Variants in KIFC3 observed in about 807,000 individuals in gnomAD.
The protein encoded by KIFC3 is kinesin-like protein KIFC3.
In KIFC3, 60 loss-of-function variants were observed where a neutral mutation model predicts 101.8. That is an observed-to-expected ratio of 0.59 (90% confidence interval 0.48 to 0.73). KIFC3 has a LOEUF of 0.73. Ranked by LOEUF, KIFC3 falls within the 30% of genes least tolerant of loss-of-function variation. The pLI is 0.00. For missense variants in KIFC3, 966 were observed against 1,137.1 expected (o/e 0.85, Z 2.16); for synonymous variants, 476 against 482.7 (o/e 0.99, Z 0.18).
chr16:57,831,753 G>A (rs371407270), intron 1 of KIFC3, among the ~76,000 whole-genome samples: 3 of 152,190 alleles, frequency 2.0e-5, no homozygotes, highest in Non-Finnish European at 4.4e-5. Flanking sequence ...CAAGCTCTCC[G>A]TGGATACAGC....
chr16:57,776,105 G>A, intron 3 of KIFC3: 1 of 985,472 alleles, frequency 1.0e-6, no homozygotes, highest in South Asian at 4.7e-5. Flanking sequence ...ATCACAGAAA[G>A]AAAACCTGCT....
chr16:57,826,065 C>T (rs557174695), intron 1 of KIFC3, among the ~76,000 whole-genome samples: 1 of 152,370 alleles, frequency 6.6e-6, no homozygotes, highest in South Asian at 2.1e-4. Flanking sequence ...CCCTCTCACC[C>T]TTAACCTCCG....
intron 1 of KIFC3, among the ~76,000 whole-genome samples, chr16:57,840,849 C>T (rs1432591864): frequency 6.6e-6 from 1 of 152,048 alleles, no homozygotes; most frequent in South Asian, 2.1e-4. Flanking sequence ...GGGTTCTACA[C>T]GCAAGACAAT....
chr16:57,797,881 G>GGCGCA (rs2054465717), intron 2 of KIFC3, 191 bp downstream of exon 2: 23 of 1,466,896 alleles, frequency 1.6e-5, no homozygotes, highest in Non-Finnish European at 2.1e-5. Context: ...TCCAGACAGG[G>GGCGCA]GCGCAGGGAA....
intron 11 of KIFC3, 58 bp from the exon 12 acceptor site, chr16:57,764,305 C>A: frequency 9.3e-7 from 1 of 1,079,704 alleles, no homozygotes; most frequent in East Asian, 2.6e-5. Context: ...CTGGGACCAC[C>A]AGCTACAAGT....
intron 1 of KIFC3, among the ~76,000 whole-genome samples, chr16:57,845,685 C>T (rs1567338198): frequency 6.6e-6 from 1 of 152,204 alleles, no homozygotes; most frequent in Non-Finnish European, 1.5e-5. Context: ...CAACTCACTC[C>T]TCATCTTCCA....
At chr16:57,844,321 T>A (rs1279631874) in intron 1 of KIFC3, among the ~76,000 whole-genome samples, 1 of 150,068 alleles carries the variant, frequency 6.7e-6, no homozygotes, top group African/African-American at 2.5e-5. Context: ...TCCCAGCTAC[T>A]CGGGAGGGTG....
Position 57,835,390 on chromosome 16 carries a change from G to A in KIFC3, c.108+27339C>T, listed in dbSNP as rs73560830. Among the ~76,000 whole-genome samples the A allele has an allele frequency of 8.4e-3, 1,284 of 152,302 alleles. 16 individuals are homozygous for A. Among genetic ancestry groups the A allele is most frequent in the African/African-American group, 0.029 (1,205 of 41,560 alleles). On this transcript the variant is annotated intron_variant, in intron 1 of 2. Transcript: ENST00000563028. ...GTTTCAGAAAGCAACAAAGATGTGAGTATGGAATATTAAAGCACTATGATA... is the reference window on the plus strand; with the variant it reads ...GTTTCAGAAAGCAACAAAGATGTGAATATGGAATATTAAAGCACTATGATA...
intron 2 of KIFC3, among the ~76,000 whole-genome samples, chr16:57,796,016 C>T (rs1555622806): frequency 2.0e-5 from 3 of 151,324 alleles, no homozygotes; most frequent in Non-Finnish European, 4.4e-5. Context: ...ACCTCAGCCT[C>T]CCGAGTAGCT....
intron 3 of KIFC3, chr16:57,785,639 C>G: frequency 8.0e-7 from 1 of 1,256,538 alleles, no homozygotes; most frequent in Admixed American, 2.4e-5. Flanking sequence ...CAAGCTCGAG[C>G]ACCTCCTGCT....
chr16:57,774,646 C>G (rs1225071774), intron 3 of KIFC3: 3 of 268,850 alleles, frequency 1.1e-5, no homozygotes, highest in South Asian at 1.6e-4. Flanking sequence ...TCTCAGCCTC[C>G]CGAGTAGCTG....
At chr16:57,848,574 G>C (rs2149324042) in intron 1 of KIFC3, among the ~76,000 whole-genome samples, 1 of 152,280 alleles carries the variant, frequency 6.6e-6, no homozygotes, top group East Asian at 1.9e-4. Context: ...GCTGCAGTGA[G>C]CTGTGACTGA....
chr16:57,767,131 C>G, intron 9 of KIFC3, 146 bp from the exon 10 acceptor site: 1 of 636,098 alleles, frequency 1.6e-6, no homozygotes, highest in Non-Finnish European at 2.8e-6. Flanking sequence ...TCCCAATCAC[C>G]CCTCTGGGTA....
At chr16:57,800,309 G>T (rs966599281) in intron 1 of KIFC3, among the ~76,000 whole-genome samples, 16 of 152,260 alleles carry the variant, frequency 1.1e-4, no homozygotes, top group Admixed American at 3.3e-4. Flanking sequence ...TGGGAATGTG[G>T]GCCAAAGGAC....
chr16:57,862,187 A>G (rs993546729), intron 1 of KIFC3, among the ~76,000 whole-genome samples: 14 of 121,416 alleles, frequency 1.2e-4, no homozygotes, highest in African/African-American at 3.7e-4. Flanking sequence ...TTACCACTAC[A>G]TCTGGCTTTT....
intron 1 of KIFC3, among the ~76,000 whole-genome samples, chr16:57,855,351 T>C (rs1176287166): frequency 6.6e-6 from 1 of 151,852 alleles, no homozygotes; most frequent in Admixed American, 6.6e-5. Context: ...TCTCAAACAC[T>C]GGGCCTCATG....
chr16:57,847,206 GGAAGGAA>G (rs2055939190), intron 1 of KIFC3, among the ~76,000 whole-genome samples: 10 of 43,362 alleles, frequency 2.3e-4, no homozygotes, highest in South Asian at 1.9e-3. Flanking sequence ...AAGGAAGGAA[GGAAGGAA>G]GGAAGGAAGG....
chr16:57,780,609 A>G (rs2052609460), intron 3 of KIFC3, among the ~76,000 whole-genome samples: 1 of 149,568 alleles, frequency 6.7e-6, no homozygotes, highest in South Asian at 2.1e-4. Context: ...GGCAGCAGCC[A>G]AACAAGACAC....
chr16:57,829,547 G>T (rs1426155214), intron 1 of KIFC3, among the ~76,000 whole-genome samples: 5 of 152,164 alleles, frequency 3.3e-5, no homozygotes, highest in African/African-American at 1.2e-4. Flanking sequence ...GAGCCACCAT[G>T]CCTGGCCAAA....
Sources: allele counts gnomAD v4.1 joint callset (sites outside exome capture counted in the v4.1 genomes callset), GRCh38; gene constraint gnomAD v4.1.1; transcripts MANE v1.5; gene names NCBI Gene and HGNC (gene_info 2026-07-23, HGNC 2026-07-21).